LRP1B: variants seen among roughly 807,000 people sequenced by gnomAD.
LRP1B encodes the protein LDL receptor related protein 1B, also known as low-density lipoprotein receptor-related protein 1B.
A neutral mutation model predicts 556.6 loss-of-function variants in LRP1B; 217 were observed. The observed-to-expected ratio is 0.39, with a 90% confidence interval of 0.35 to 0.44. LRP1B has a LOEUF of 0.44. LRP1B is among the 20% of genes least tolerant of loss of function. The probability of loss-of-function intolerance (pLI) is 1.00; values close to 1 mark genes in which losing one functional copy is unlikely to be tolerated. For synonymous variants in LRP1B, 2,047 were observed against 1,865.8 expected, an observed-to-expected ratio of 1.10 and a Z score of -2.50; for missense variants, 5,053 against 5,620.8, an observed-to-expected ratio of 0.90 and a Z score of 3.23.
At chr2:140,688,278 T>C in intron 41 of LRP1B, among the ~76,000 whole-genome samples, 1 of 152,252 alleles carries the variant, frequency 6.6e-6, no homozygotes, top group East Asian at 1.9e-4. Flanking sequence ...GGTAACAGAA[T>C]CAACCCAATG....
chr2:141,936,690 C>A (rs1050609639), intron 1 of LRP1B, among the ~76,000 whole-genome samples: 2 of 152,126 alleles, frequency 1.3e-5, no homozygotes, highest in Non-Finnish European at 2.9e-5. Context: ...ATAGTGGCTG[C>A]AGCATTTTGT....
chr2:142,096,823 C>T (rs62155592), intron 1 of LRP1B, among the ~76,000 whole-genome samples: 26,714 of 151,312 alleles, frequency 0.18, 2,579 homozygotes, highest in African/African-American at 0.24. Flanking sequence ...GACCCCATCA[C>T]CCAGGTACTG....
At chr2:141,742,530 A>T (rs1252506672) in intron 2 of LRP1B, among the ~76,000 whole-genome samples, 1 of 152,046 alleles carries the variant, frequency 6.6e-6, no homozygotes, top group Non-Finnish European at 1.5e-5. Context: ...CTGGGATTAG[A>T]GGTATGAGCC....
rs1302406556 is a variant in LRP1B at position 140,457,555 on chromosome 2, T to C, written c.9722A>G (p.His3241Arg). Residue 3241 changes from histidine (H) to arginine (R), a missense_variant, in exon 61 of 91, where the codon CAT becomes CGT. By Grantham distance (29) the His-to-Arg change is conservative. Around this residue, in one of 5 missense-constraint regions of LRP1B, gnomAD observed 262 missense variants for 395.1 expected, o/e 0.66. Transcript: ENST00000389484. ...DGKTKSLSRA[H>R]KTSGADRLSL... ...GAGTCTGTCTGCTCCCGATGTTTTA[T>C]GGGCACGGCTGAGTGACTTGGTTTT... is the stretch of plus-strand genomic sequence containing the variant. 1 of 1,613,876 alleles carries C rather than the reference T, an allele frequency of 6.2e-7. No homozygotes were observed.
chr2:141,027,315 A>T (rs1042861441), intron 11 of LRP1B, among the ~76,000 whole-genome samples: 3 of 152,124 alleles, frequency 2.0e-5, no homozygotes, highest in Non-Finnish European at 2.9e-5. Flanking sequence ...TTTGCAAATG[A>T]AAATATGAAT....
chr2:141,537,499 T>C (rs1574056994), intron 2 of LRP1B, among the ~76,000 whole-genome samples: 1 of 152,156 alleles, frequency 6.6e-6, no homozygotes, highest in African/African-American at 2.4e-5. Context: ...CATTGTTTTA[T>C]AATGCAAAGA....
chr2:141,300,034 G>A (rs1296342162), intron 3 of LRP1B, among the ~76,000 whole-genome samples: 1 of 152,162 alleles, frequency 6.6e-6, no homozygotes, highest in Non-Finnish European at 1.5e-5. Flanking sequence ...CCTTGTAAAA[G>A]AGACCCCAGA....
intron 42 of LRP1B, among the ~76,000 whole-genome samples, chr2:140,601,232 T>C (rs1197263965): frequency 6.6e-6 from 1 of 152,054 alleles, no homozygotes; most frequent in Non-Finnish European, 1.5e-5. Flanking sequence ...TAAATTTGTT[T>C]TTACTGGATC....
intron 84 of LRP1B, among the ~76,000 whole-genome samples, chr2:140,295,561 A>G (rs1164158246): frequency 6.6e-6 from 1 of 152,138 alleles, no homozygotes; most frequent in Non-Finnish European, 1.5e-5. Flanking sequence ...ATGATATTTA[A>G]TGTAACTTGG....
At chr2:141,020,171 A>ATTT in intron 11 of LRP1B, 69 bp from the exon 12 acceptor site, 11 of 943,950 alleles carry the variant, frequency 1.2e-5, no homozygotes, top group South Asian at 3.0e-5. Context: ...TTCACTACTA[A>ATTT]TAGCTACCTA....
intron 7 of LRP1B, among the ~76,000 whole-genome samples, chr2:141,070,445 C>G (rs1276729250): frequency 6.6e-6 from 1 of 151,760 alleles, no homozygotes; most frequent in Non-Finnish European, 1.5e-5. Context: ...ATTAAAAGAA[C>G]TAGAAAAGCA....
intron 1 of LRP1B, among the ~76,000 whole-genome samples, chr2:141,826,251 T>G (rs1216898784): frequency 7.0e-6 from 1 of 142,396 alleles, no homozygotes; most frequent in Non-Finnish European, 1.5e-5. Context: ...CCATTTTACT[T>G]AAATATTTTA....
At chr2:141,768,009 C>T (rs1694782134) in intron 2 of LRP1B, among the ~76,000 whole-genome samples, 1 of 152,006 alleles carries the variant, frequency 6.6e-6, no homozygotes, top group Non-Finnish European at 1.5e-5. Flanking sequence ...ATCTGGGGGA[C>T]AATATAACTT....
chr2:141,077,734 C>T (rs1161314486), intron 7 of LRP1B, among the ~76,000 whole-genome samples: 3 of 152,170 alleles, frequency 2.0e-5, no homozygotes, highest in Non-Finnish European at 4.4e-5. Flanking sequence ...TTCCGGATTG[C>T]CTGCCCTACA....
intron 1 of LRP1B, among the ~76,000 whole-genome samples, chr2:141,975,809 G>A (rs115103471): frequency 6.6e-6 from 1 of 152,066 alleles, no homozygotes; most frequent in African/African-American, 2.4e-5. Context: ...GCATTCAACT[G>A]CTAAGTCCTT....
chr2:140,866,032 G>A (rs1692939948), intron 27 of LRP1B, among the ~76,000 whole-genome samples: 1 of 152,104 alleles, frequency 6.6e-6, no homozygotes, highest in Non-Finnish European at 1.5e-5. Flanking sequence ...CCTATTTTGG[G>A]TGAGGAGGAA....
intron 65 of LRP1B, among the ~76,000 whole-genome samples, chr2:140,443,062 G>A (rs1486278912): frequency 6.6e-6 from 1 of 152,106 alleles, no homozygotes; most frequent in East Asian, 1.9e-4. Context: ...TCTAGGAATT[G>A]TGTTGAGTTT....
At chr2:141,154,408 T>C (rs1702015901) in intron 7 of LRP1B, among the ~76,000 whole-genome samples, 1 of 151,918 alleles carries the variant, frequency 6.6e-6, no homozygotes, top group Non-Finnish European at 1.5e-5. Flanking sequence ...CTGTAATTAT[T>C]GAGACTATCC....
intron 86 of LRP1B, among the ~76,000 whole-genome samples, chr2:140,257,648 A>G (rs1292592430): frequency 6.6e-6 from 1 of 152,176 alleles, no homozygotes; most frequent in Non-Finnish European, 1.5e-5. Context: ...TAAAGGATAG[A>G]CATTGATGTG....
Sources: allele counts gnomAD v4.1 joint callset (sites outside exome capture counted in the v4.1 genomes callset), GRCh38; gene constraint gnomAD v4.1.1; regional missense constraint gnomAD v4.1.1; transcripts MANE v1.5; gene names NCBI Gene and HGNC (gene_info 2026-07-23, HGNC 2026-07-21).